Variants in ROBO2 observed in about 807,000 individuals in gnomAD.
ROBO2 encodes roundabout guidance receptor 2.
Under a neutral mutation model 160.8 loss-of-function variants are expected in ROBO2, and 53 were observed. The ratio of observed to expected loss-of-function variants is 0.33; its 90% CI spans 0.26 to 0.41. The LOEUF (loss-of-function observed/expected upper bound fraction) is 0.41. ROBO2 is among the 10% of genes least tolerant of loss of function. The probability of loss-of-function intolerance (pLI) is 1.00; values close to 1 mark genes in which losing one functional copy is unlikely to be tolerated. For synonymous variants in ROBO2, 664 were observed against 611.7 expected, an observed-to-expected ratio of 1.09 and a Z score of -1.26; for missense variants, 1,577 against 1,722.4, an observed-to-expected ratio of 0.92 and a Z score of 1.49.
intron 2 of ROBO2, among the ~76,000 whole-genome samples, chr3:76,561,651 C>G (rs936103668): frequency 6.6e-6 from 1 of 152,146 alleles, no homozygotes; most frequent in African/African-American, 2.4e-5. Context: ...AAGTACTTAG[C>G]TCAGAGGATA....
At chr3:77,082,932 A>T (rs2068832565) in intron 1 of ROBO2, among the ~76,000 whole-genome samples, 1 of 152,114 alleles carries the variant, frequency 6.6e-6, no homozygotes. Flanking sequence ...AATGGAAAAA[A>T]AATCAGCCAG....
At chr3:75,947,195 A>G (rs79777601) in intron 2 of ROBO2, among the ~76,000 whole-genome samples, 1 of 147,652 alleles carries the variant, frequency 6.8e-6, no homozygotes, top group Admixed American at 6.9e-5. Flanking sequence ...ATGCATATGT[A>G]TGATTGATTT....
At chr3:77,616,774 A>G (rs778549873) in intron 21 of ROBO2, among the ~76,000 whole-genome samples, 12 of 152,214 alleles carry the variant, frequency 7.9e-5, no homozygotes, top group African/African-American at 1.9e-4. Flanking sequence ...TTAATTTTCT[A>G]TATTCACAGA....
At chr3:77,276,071 C>G (rs1232062550) in intron 2 of ROBO2, among the ~76,000 whole-genome samples, 1 of 152,086 alleles carries the variant, frequency 6.6e-6, no homozygotes, top group African/African-American at 2.4e-5. Flanking sequence ...GTTTCAAAAT[C>G]TGTAGAGAGG....
chr3:77,408,808 T>G (rs1204674879), intron 2 of ROBO2, among the ~76,000 whole-genome samples: 1 of 152,092 alleles, frequency 6.6e-6, no homozygotes, highest in African/African-American at 2.4e-5. Context: ...GCAGCCTCCC[T>G]TAATCTCCTG....
intron 2 of ROBO2, among the ~76,000 whole-genome samples, chr3:76,331,205 CT>C (rs1311986323): frequency 2.6e-5 from 4 of 152,070 alleles, no homozygotes; most frequent in African/African-American, 9.6e-5. Flanking sequence ...AGTTTTGTAA[CT>C]TTTTTTCTGT....
chr3:77,470,933 G>A (rs1021546541), intron 2 of ROBO2, among the ~76,000 whole-genome samples: 2 of 152,140 alleles, frequency 1.3e-5, no homozygotes, highest in African/African-American at 4.8e-5. Context: ...TGTTGTTTGG[G>A]TCTCCTGCGG....
chr3:77,578,348 A>G (rs2093823368), intron 15 of ROBO2, among the ~76,000 whole-genome samples: 2 of 152,116 alleles, frequency 1.3e-5, no homozygotes, highest in Admixed American at 1.3e-4. Flanking sequence ...AAAATTCAAA[A>G]CTATAATTTA....
At chr3:76,409,879 A>G (rs768354716) in intron 2 of ROBO2, among the ~76,000 whole-genome samples, 3 of 152,154 alleles carry the variant, frequency 2.0e-5, no homozygotes, top group Non-Finnish European at 4.4e-5. Context: ...CAGTGAAGAC[A>G]TATGATAGAG....
At chr3:75,984,423 AAC>A (rs2107468832) in intron 2 of ROBO2, among the ~76,000 whole-genome samples, 1 of 151,622 alleles carries the variant, frequency 6.6e-6, no homozygotes, top group African/African-American at 2.4e-5. Context: ...AAATGACTAT[AAC>A]ACAGATTAGG....
intron 2 of ROBO2, among the ~76,000 whole-genome samples, chr3:76,611,105 A>G (rs2109079012): frequency 6.6e-6 from 1 of 152,226 alleles, no homozygotes; most frequent in Admixed American, 6.5e-5. Flanking sequence ...TCGATTGATT[A>G]AAAGGTATCA....
intron 2 of ROBO2, among the ~76,000 whole-genome samples, chr3:76,629,530 C>T (rs12486633): frequency 0.38 from 56,990 of 151,888 alleles, 11,074 homozygotes; most frequent in East Asian, 0.58. Context: ...AGACTAAACC[C>T]GTCTAGTCTT....
At chr3:77,410,742 TTTTC>T (rs1560759215) in intron 2 of ROBO2, among the ~76,000 whole-genome samples, 10 of 78,400 alleles carry the variant, frequency 1.3e-4, no homozygotes, top group African/African-American at 5.0e-4. Context: ...TTCCTCCTCC[TTTTC>T]CTCCTCCTCT....
At chr3:77,480,231 A>G (rs76149458) in intron 3 of ROBO2, among the ~76,000 whole-genome samples, 5,254 of 152,118 alleles carry the variant, frequency 0.035, 299 homozygotes, top group African/African-American at 0.12. Flanking sequence ...GAGAAAACCA[A>G]CATGTTCTTA....
At chr3:76,854,753 G>T (rs1200714126) in intron 2 of ROBO2, among the ~76,000 whole-genome samples, 1 of 151,882 alleles carries the variant, frequency 6.6e-6, no homozygotes, top group Admixed American at 6.6e-5. Context: ...TTACTATATT[G>T]TTCAATAGTT....
chr3:76,073,433 C>A (rs2107976804), intron 2 of ROBO2, among the ~76,000 whole-genome samples: 1 of 151,320 alleles, frequency 6.6e-6, no homozygotes, highest in Admixed American at 6.6e-5. Flanking sequence ...GCTGGGACTA[C>A]AGGCGCCGCC....
At chr3:77,369,072 T>C (rs972705918) in intron 2 of ROBO2, among the ~76,000 whole-genome samples, 3 of 152,132 alleles carry the variant, frequency 2.0e-5, no homozygotes, top group Non-Finnish European at 4.4e-5. Flanking sequence ...AGAACTAGTA[T>C]CCTGTTCATT....
chr3:76,297,725 A>G (rs1709148205), intron 2 of ROBO2, among the ~76,000 whole-genome samples: 1 of 150,742 alleles, frequency 6.6e-6, no homozygotes, highest in Admixed American at 6.6e-5. Context: ...AAAAAAAAAA[A>G]AAAGCCCACT....
intron 2 of ROBO2, among the ~76,000 whole-genome samples, chr3:76,673,366 GCA>G (rs1358081772): frequency 3.9e-5 from 6 of 152,228 alleles, no homozygotes; most frequent in African/African-American, 1.4e-4. Context: ...TTCTGGCCAG[GCA>G]GTGGTGGGTT....
Sources: allele counts gnomAD v4.1 joint callset (sites outside exome capture counted in the v4.1 genomes callset), GRCh38; gene constraint gnomAD v4.1.1; transcripts MANE v1.5; gene names NCBI Gene and HGNC (gene_info 2026-07-23, HGNC 2026-07-21).